Variants in BEST3 observed in about 807,000 individuals in gnomAD.
The protein encoded by BEST3 is bestrophin-3.
BEST3 carries 50 observed loss-of-function variants against 47.1 expected under a neutral mutation model. The ratio of observed to expected loss-of-function variants is 1.06; its 90% CI spans 0.85 to 1.34. The LOEUF is 1.34. Among genes scored for constraint, BEST3 ranks in the 40% most tolerant of loss-of-function variants. The pLI, the probability that BEST3 is intolerant of heterozygous loss-of-function variation, is 0.00. For synonymous variants in BEST3, 282 were observed against 298.8 expected, an observed-to-expected ratio of 0.94 and a Z score of 0.58; for missense variants, 765 against 817.0, an observed-to-expected ratio of 0.94 and a Z score of 0.78.
At chr12:69,667,441 G>A (rs1322034193) in intron 9 of BEST3, among the ~76,000 whole-genome samples, 2 of 152,098 alleles carry the variant, frequency 1.3e-5, no homozygotes, top group African/African-American at 2.4e-5. Flanking sequence ...GGGATTACAG[G>A]CTGTGCCACC....
chr12:69,674,892 CTTTTTTTTTTTT>C (rs35297025), intron 7 of BEST3, among the ~76,000 whole-genome samples: 1 of 109,404 alleles, frequency 9.1e-6, no homozygotes, highest in East Asian at 2.8e-4. Context: ...TTAGGTTTGC[CTTTTTTTTTTTT>C]TTTTTTTTTG....
intron 9 of BEST3, chr12:69,669,908 G>A (rs2135956073): frequency 6.6e-6 from 1 of 152,396 alleles, no homozygotes; most frequent in East Asian, 1.9e-4. Context: ...TTAACCATGG[G>A]GTAACAACAA....
downstream of BEST3, among the ~76,000 whole-genome samples, chr12:69,651,275 A>T (rs906183947): frequency 3.3e-5 from 5 of 152,178 alleles, no homozygotes; most frequent in Admixed American, 3.3e-4. Context: ...TCCTCTCACG[A>T]TGCCTCATGA....
chr12:69,647,747 A>G (rs1240446506), intron 9 of BEST3, among the ~76,000 whole-genome samples: 1 of 152,230 alleles, frequency 6.6e-6, no homozygotes, highest in African/African-American at 2.4e-5. Flanking sequence ...AAAAAAATTG[A>G]TGAATTTGAT....
chr12:69,697,605 A>C, intron 2 of BEST3, 42 bp downstream of exon 2: 1 of 1,473,536 alleles, frequency 6.8e-7, no homozygotes, highest in Non-Finnish European at 9.1e-7. Flanking sequence ...TATCTTACAC[A>C]ATATCTGATG....
intron 9 of BEST3, among the ~76,000 whole-genome samples, chr12:69,657,501 T>C (rs1304401387): frequency 1.4e-4 from 22 of 152,166 alleles, no homozygotes; most frequent in Non-Finnish European, 8.8e-5. Flanking sequence ...ATTACATAGT[T>C]ATTTGCCACA....
At chr12:69,674,360 G>A (rs957714648) in intron 7 of BEST3, among the ~76,000 whole-genome samples, 14 of 152,076 alleles carry the variant, frequency 9.2e-5, no homozygotes, top group African/African-American at 2.7e-4. Context: ...GTCCCTCCCC[G>A]AGAGATTCTG....
intron 9 of BEST3, among the ~76,000 whole-genome samples, chr12:69,666,866 T>C (rs904618624): frequency 6.6e-6 from 1 of 152,214 alleles, no homozygotes; most frequent in East Asian, 1.9e-4. Flanking sequence ...TCTTCACTCC[T>C]TCTCCTTTCT....
intron 9 of BEST3, among the ~76,000 whole-genome samples, chr12:69,664,118 C>A (rs1258560720): frequency 1.3e-5 from 2 of 152,268 alleles, no homozygotes; most frequent in East Asian, 3.9e-4. Context: ...TTTTAACTGG[C>A]CTTTTTTCAT....
At chr12:69,678,385 T>A (rs1885049580) in intron 5 of BEST3, among the ~76,000 whole-genome samples, 1 of 152,218 alleles carries the variant, frequency 6.6e-6, no homozygotes, top group African/African-American at 2.4e-5. Context: ...CCTCCAGGTT[T>A]TTTTCAAGGA....
chr12:69,684,519 A>G (rs78821263), intron 4 of BEST3: 2 of 623,438 alleles, frequency 3.2e-6, no homozygotes, highest in South Asian at 3.6e-5. Flanking sequence ...CCTTTCAAGC[A>G]GAGTATTCAA....
intron 9 of BEST3, 36 bp from the exon 10 acceptor site, chr12:69,655,849 C>G (rs1308741057): frequency 1.3e-6 from 2 of 1,551,020 alleles, no homozygotes; most frequent in East Asian, 2.3e-5. Flanking sequence ...GGCAGAGTAG[C>G]TTCGGGGGCC....
At chr12:69,683,318 A>G (rs1381653257) in intron 4 of BEST3, 1 of 152,358 alleles carries the variant, frequency 6.6e-6, no homozygotes, top group East Asian at 1.9e-4. Flanking sequence ...ACATTAATGT[A>G]TCCTCTAAGA....
At chr12:69,689,330 G>A (rs1885817423) in intron 4 of BEST3, 5 of 913,162 alleles carry the variant, frequency 5.5e-6, no homozygotes, top group Non-Finnish European at 6.5e-6. Context: ...GACAGCGGGT[G>A]CCGGCCTGGG....
intron 9 of BEST3, among the ~76,000 whole-genome samples, chr12:69,663,168 T>C (rs758066496): frequency 6.6e-6 from 1 of 152,236 alleles, no homozygotes; most frequent in Non-Finnish European, 1.5e-5. Flanking sequence ...TCCCAAGTAA[T>C]TGAAAGATAG....
At chr12:69,686,265 T>G (rs1885581311) in intron 4 of BEST3, among the ~76,000 whole-genome samples, 1 of 151,698 alleles carries the variant, frequency 6.6e-6, no homozygotes, top group Non-Finnish European at 1.5e-5. Flanking sequence ...TTACATAATA[T>G]GTTATATAAA....
In BEST3 at chr12:69,654,759, A is replaced by G; in HGVS notation, c.*148T>C. On this transcript the variant is annotated 3_prime_UTR_variant, in exon 10 of 10. Coordinates refer to ENST00000330891, the MANE Select transcript of BEST3 (RefSeq NM_032735.3). ...GCAGCTCTCAAAAAGTCAGGATCAT[A>G]ATGCCCTTCAAAGTTCTAAGTAGCT... 1 of 1,376,876 alleles carries G rather than the reference A, an allele frequency of 7.3e-7. No individual in the cohort carries two copies. The highest frequency in any genetic ancestry group is 9.4e-7 in the Non-Finnish European group (1 of 1,064,024). The allele number at this position is 1,376,876 out of a possible 1,614,324, so 85.3% of individuals were successfully genotyped here.
chr12:69,644,100 G>A (rs1882958915), intron 9 of BEST3, among the ~76,000 whole-genome samples: 1 of 152,202 alleles, frequency 6.6e-6, no homozygotes, highest in Admixed American at 6.5e-5. Context: ...GAGCAGGAGG[G>A]GAGCAGGTAC....
chr12:69,649,838 A>G (rs570728932), downstream of BEST3, among the ~76,000 whole-genome samples: 5 of 152,342 alleles, frequency 3.3e-5, no homozygotes, highest in African/African-American at 1.2e-4. Context: ...AAAACCTGGA[A>G]CGCACCAGCG....
Sources: allele counts gnomAD v4.1 joint callset (sites outside exome capture counted in the v4.1 genomes callset), GRCh38; gene constraint gnomAD v4.1.1; transcripts MANE v1.5; gene names NCBI Gene and HGNC (gene_info 2026-07-23, HGNC 2026-07-21).